Variants in PTPRT observed in about 807,000 individuals in gnomAD.
PTPRT encodes the protein protein tyrosine phosphatase receptor type T.
In PTPRT, 56 loss-of-function variants were observed where a neutral mutation model predicts 176.8. The ratio of observed to expected loss-of-function variants is 0.32; its 90% CI spans 0.26 to 0.40. The LOEUF (loss-of-function observed/expected upper bound fraction) is 0.40. Among genes scored for constraint, PTPRT ranks in the 10% least tolerant of loss-of-function variants. PTPRT has a pLI of 1.00. For synonymous variants in PTPRT, 783 were observed against 739.0 expected (o/e 1.06, Z -0.96); for missense variants, 1,540 against 1,908.2 (o/e 0.81, Z 3.60).
intron 1 of PTPRT, among the ~76,000 whole-genome samples, chr20:43,056,255 C>T (rs887862813): frequency 3.3e-5 from 5 of 152,288 alleles, no homozygotes; most frequent in African/African-American, 7.2e-5. Flanking sequence ...GGCTCTGGGA[C>T]GTGGCTACCT....
intron 19 of PTPRT, among the ~76,000 whole-genome samples, chr20:42,123,760 C>T (rs905928538): frequency 7.2e-5 from 11 of 152,180 alleles, no homozygotes; most frequent in African/African-American, 2.2e-4. Flanking sequence ...CTTGCTCTCT[C>T]GCTCCATCCA....
intron 7 of PTPRT, among the ~76,000 whole-genome samples, chr20:42,602,683 C>T (rs1030197785): frequency 1.3e-5 from 2 of 151,896 alleles, no homozygotes; most frequent in Non-Finnish European, 1.5e-5. Flanking sequence ...TTTTTTTCTC[C>T]TATAGCTACA....
intron 1 of PTPRT, among the ~76,000 whole-genome samples, chr20:43,059,765 T>G (rs2425577): frequency 6.6e-6 from 1 of 151,906 alleles, no homozygotes; most frequent in African/African-American, 2.4e-5. Flanking sequence ...GATCAACTGA[T>G]GTCAGGAGTT....
chr20:42,118,628 GAC>G, intron 20 of PTPRT, 128 bp from the exon 21 acceptor site: 2 of 624,100 alleles, frequency 3.2e-6, no homozygotes, highest in Non-Finnish European at 5.5e-6. Flanking sequence ...TCCTTGTTAA[GAC>G]ACCAAGTATC....
At chr20:42,731,274 C>T (rs966439293) in intron 6 of PTPRT, among the ~76,000 whole-genome samples, 8 of 152,302 alleles carry the variant, frequency 5.3e-5, no homozygotes, top group African/African-American at 7.2e-5. Context: ...TTTGAGTCTT[C>T]GCTGGGGCTG....
chr20:42,268,683 C>T (rs79535883), intron 13 of PTPRT, among the ~76,000 whole-genome samples: 6 of 152,250 alleles, frequency 3.9e-5, no homozygotes, highest in East Asian at 1.9e-4. Context: ...TAGTTTTGCA[C>T]GTGAAATAAG....
intron 1 of PTPRT, among the ~76,000 whole-genome samples, chr20:43,044,880 T>G (rs1986771735): frequency 6.6e-6 from 1 of 152,254 alleles, no homozygotes; most frequent in South Asian, 2.1e-4. Context: ...AAAGGCTTTT[T>G]GCTTTTAACT....
At chr20:42,854,434 AC>A (rs2078528156) in intron 2 of PTPRT, among the ~76,000 whole-genome samples, 1 of 152,214 alleles carries the variant, frequency 6.6e-6, no homozygotes, top group Non-Finnish European at 1.5e-5. Flanking sequence ...TGTTTAACTT[AC>A]CACACCTGCT....
chr20:42,274,622 G>A (rs1600764363), intron 13 of PTPRT, among the ~76,000 whole-genome samples: 1 of 149,314 alleles, frequency 6.7e-6, no homozygotes, highest in Middle Eastern at 3.5e-3. Context: ...TCAGAATGCT[G>A]AATGTCTCAG....
At chr20:43,076,755 A>C (rs1471622002) in intron 1 of PTPRT, among the ~76,000 whole-genome samples, 2 of 152,168 alleles carry the variant, frequency 1.3e-5, no homozygotes, top group Non-Finnish European at 2.9e-5. Context: ...GGCTTTCAGG[A>C]GAGCTTTGAT....
intron 7 of PTPRT, among the ~76,000 whole-genome samples, chr20:42,533,761 T>C (rs994057995): frequency 1.3e-5 from 2 of 152,216 alleles, no homozygotes; most frequent in African/African-American, 4.8e-5. Context: ...ATAAACGCAT[T>C]TGCTGTCATC....
intron 7 of PTPRT, among the ~76,000 whole-genome samples, chr20:42,582,261 G>A (rs988623922): frequency 4.6e-5 from 7 of 152,260 alleles, no homozygotes; most frequent in Admixed American, 3.9e-4. Flanking sequence ...TTGGTGTGGA[G>A]GGCTGGTCCC....
intron 1 of PTPRT, among the ~76,000 whole-genome samples, chr20:43,031,965 G>A (rs1986156335): frequency 6.6e-6 from 1 of 152,106 alleles, no homozygotes; most frequent in South Asian, 2.1e-4. Context: ...GGCAGAACTT[G>A]GCTTGGAAGG....
At chr20:42,390,301 C>T (rs1206653530) in intron 9 of PTPRT, among the ~76,000 whole-genome samples, 1 of 152,164 alleles carries the variant, frequency 6.6e-6, no homozygotes, top group Non-Finnish European at 1.5e-5. Flanking sequence ...ATCTCTACTT[C>T]AGTTGAAAAA....
At chr20:42,904,505 C>T (rs916126471) in intron 1 of PTPRT, among the ~76,000 whole-genome samples, 1 of 152,110 alleles carries the variant, frequency 6.6e-6, no homozygotes, top group Non-Finnish European at 1.5e-5. Flanking sequence ...ACCACAGTAC[C>T]AAGGCAATGC....
chr20:43,131,979 T>C (rs1008039155), intron 1 of PTPRT, among the ~76,000 whole-genome samples: 6 of 151,810 alleles, frequency 4.0e-5, no homozygotes, highest in African/African-American at 9.7e-5. Flanking sequence ...CTTGATAAAA[T>C]AGAACTCTTG....
intron 12 of PTPRT, among the ~76,000 whole-genome samples, chr20:42,304,329 T>C (rs1342590080): frequency 6.6e-6 from 1 of 152,170 alleles, no homozygotes; most frequent in Non-Finnish European, 1.5e-5. Flanking sequence ...ATTCTGCTTG[T>C]TCTTTCCTGA....
At chr20:42,294,481 C>T (rs1457054142) in intron 12 of PTPRT, among the ~76,000 whole-genome samples, 5 of 152,028 alleles carry the variant, frequency 3.3e-5, no homozygotes, top group African/African-American at 1.2e-4. Flanking sequence ...CACCCATTCC[C>T]TATGACATAC....
intron 30 of PTPRT, among the ~76,000 whole-genome samples, chr20:42,081,489 T>C (rs1983325352): frequency 1.3e-5 from 2 of 152,204 alleles, no homozygotes; most frequent in East Asian, 1.9e-4. Context: ...CTTTCCTCCA[T>C]AGTACTCTCT....
Sources: gnomAD v4.1 joint callset for allele counts (sites outside exome capture counted in the v4.1 genomes callset) on GRCh38, gnomAD v4.1.1 for gene constraint, MANE v1.5 for transcripts, NCBI Gene and HGNC (gene_info 2026-07-23, HGNC 2026-07-21) for gene names.